DHX32: variants seen among roughly 807,000 people sequenced by gnomAD.
The protein encoded by DHX32 is DEAH-box helicase 32 (putative).
In DHX32, 51 loss-of-function variants were observed where a neutral mutation model predicts 70.0. The ratio of observed to expected loss-of-function variants is 0.73; its 90% CI spans 0.58 to 0.92. DHX32 has a LOEUF of 0.92. DHX32 is among the 40% of genes least tolerant of loss of function. The pLI is 0.00. For missense variants in DHX32, 762 were observed against 891.8 expected, an observed-to-expected ratio of 0.85 and a Z score of 1.85; for synonymous variants, 310 against 315.3, an observed-to-expected ratio of 0.98 and a Z score of 0.18.
intron 3 of DHX32, chr10:125,854,408 A>G (rs539303409): frequency 1.9e-4 from 75 of 403,778 alleles, no homozygotes; most frequent in African/African-American, 1.5e-3. Context: ...AATATAATTT[A>G]TATTGTTTTC....
At chr10:125,853,178 C>A (rs956854376) in intron 4 of DHX32, 2 of 1,613,200 alleles carry the variant, frequency 1.2e-6, no homozygotes, top group Non-Finnish European at 1.7e-6. Flanking sequence ...TGGACTAATT[C>A]AATCAAGATC....
In DHX32 at chr10:125,867,081, G is replaced by A. The variant is rs765264694; in HGVS notation, c.385C>T (p.Arg129Trp). Residue 129 changes from arginine (R) to tryptophan (W), a missense_variant, in exon 2 of 11, where the codon CGG becomes TGG. Arg to Trp is a moderately radical substitution (Grantham distance 101). Transcript: ENST00000284690. ...HKQTVVQLAL[R>W]VADEMDVNIG... The stretch of plus-strand genomic sequence containing the variant: ...TTAACATCCATTTCATCCGCCACCC[G>A]CAGGGCGAGCTGGACCACAGTCTGC... 4.3e-6 allele frequency: 7 copies of A among 1,614,060 alleles called. No homozygotes were observed. Among genetic ancestry groups the A allele is most frequent in the African/African-American group, 1.3e-5 (1 of 74,916 alleles).
At chr10:125,868,345 T>A (rs1275407681) in intron 1 of DHX32, among the ~76,000 whole-genome samples, 3 of 152,340 alleles carry the variant, frequency 2.0e-5, no homozygotes, top group East Asian at 3.9e-4. Context: ...TGTTTTTAAT[T>A]GATCTAAGGA....
intron 1 of DHX32, among the ~76,000 whole-genome samples, chr10:125,871,208 G>C (rs1270457580): frequency 6.6e-6 from 1 of 152,132 alleles, no homozygotes; most frequent in African/African-American, 2.4e-5. Context: ...TACATTCCTG[G>C]AAGTACAACA....
At chr10:125,867,244 CTG>C in intron 1 of DHX32, 61 bp from the exon 2 acceptor site, 1 of 1,394,250 alleles carries the variant, frequency 7.2e-7, no homozygotes, top group South Asian at 1.4e-5. Context: ...AGAGACATCT[CTG>C]TCTTACAGCA....
intron 1 of DHX32, among the ~76,000 whole-genome samples, chr10:125,889,622 T>G (rs1369669811): frequency 3.9e-5 from 6 of 152,282 alleles, no homozygotes; most frequent in Non-Finnish European, 8.8e-5. Flanking sequence ...CTATTTACAT[T>G]CTGGCACAAG....
chr10:125,848,019 C>T (rs1944046574), intron 6 of DHX32, among the ~76,000 whole-genome samples: 1 of 152,180 alleles, frequency 6.6e-6, no homozygotes, highest in Non-Finnish European at 1.5e-5. Context: ...GGGACCCCTG[C>T]ATTAATGTAT....
intron 3 of DHX32, among the ~76,000 whole-genome samples, chr10:125,855,951 A>G (rs771226299): frequency 4.6e-5 from 7 of 152,182 alleles, no homozygotes; most frequent in Non-Finnish European, 8.8e-5. Flanking sequence ...TTTTGTTCCA[A>G]ATGGCAATAA....
intron 8 of DHX32, 96 bp from the exon 9 acceptor site, chr10:125,839,284 T>A (rs1229685594): frequency 1.1e-5 from 14 of 1,304,670 alleles, no homozygotes; most frequent in Non-Finnish European, 1.4e-5. Context: ...CCCTGTGCTC[T>A]CCTCTCCTAC....
intron 6 of DHX32, among the ~76,000 whole-genome samples, chr10:125,845,529 A>G (rs760532087): frequency 4.6e-5 from 7 of 152,246 alleles, no homozygotes; most frequent in Non-Finnish European, 7.3e-5. Context: ...TTTCACGAGG[A>G]TAGGGCAGGG....
In DHX32 at chr10:125,859,701, C is replaced by T; in HGVS notation, c.751G>A (p.Ala251Thr). 1.9e-6 allele frequency: 3 copies of T among 1,613,888 alleles called. No homozygotes were observed. The highest frequency in any genetic ancestry group is 2.5e-6 in the Non-Finnish European group (3 of 1,179,950). Reference protein sequence around the residue: ...HPVEVVYLSEAQKDSFESILR... With the variant: ...HPVEVVYLSETQKDSFESILR... Reference sequence around the variant, plus strand: ...ATAGACTCAAAAGAATCCTTTTGAGCCTCACTAAGGTACACAACCTCCACA... The same window carrying T: ...ATAGACTCAAAAGAATCCTTTTGAGTCTCACTAAGGTACACAACCTCCACA... The change falls in exon 3 of 11, where the codon GCT becomes ACT. Residue 251 changes from alanine to threonine, a missense_variant. By Grantham distance (58) the Ala-to-Thr change is moderately conservative. This residue lies in a region of DHX32 where 394 missense variants were observed against 473.1 expected (regional missense o/e 0.83). Transcript: ENST00000284690.
intron 1 of DHX32, among the ~76,000 whole-genome samples, chr10:125,890,289 T>C (rs1161831043): frequency 6.6e-6 from 1 of 152,292 alleles, no homozygotes; most frequent in Admixed American, 6.5e-5. Flanking sequence ...ATGGTATGCT[T>C]TAATTGAAAC....
At chr10:125,856,986 T>C (rs544270827) in intron 3 of DHX32, among the ~76,000 whole-genome samples, 1 of 152,308 alleles carries the variant, frequency 6.6e-6, no homozygotes, top group African/African-American at 2.4e-5. Flanking sequence ...TAAATGACAA[T>C]TAATACATTT....
chr10:125,885,326 T>A (rs769873721), upstream of DHX32, among the ~76,000 whole-genome samples: 2 of 152,174 alleles, frequency 1.3e-5, no homozygotes, highest in Non-Finnish European at 2.9e-5. Flanking sequence ...GTACTTTGCA[T>A]GGCAAAAGGG....
chr10:125,879,309 C>A (rs957332595), intron 1 of DHX32, among the ~76,000 whole-genome samples: 1 of 152,126 alleles, frequency 6.6e-6, no homozygotes. Flanking sequence ...TAGGTGTGAA[C>A]CACTGCACCT....
intron 1 of DHX32, among the ~76,000 whole-genome samples, chr10:125,876,697 C>T (rs1944285609): frequency 6.6e-6 from 1 of 152,154 alleles, no homozygotes; most frequent in African/African-American, 2.4e-5. Context: ...ATAACCTGTG[C>T]TCTTCAAAAA....
intron 6 of DHX32, among the ~76,000 whole-genome samples, chr10:125,848,305 C>T (rs1196399631): frequency 6.6e-6 from 1 of 152,128 alleles, no homozygotes; most frequent in African/African-American, 2.4e-5. Flanking sequence ...GACATGTTCC[C>T]AAAACCTGGC....
At chr10:125,891,642 T>C (rs1213101239) in intron 1 of DHX32, among the ~76,000 whole-genome samples, 2 of 152,302 alleles carry the variant, frequency 1.3e-5, no homozygotes, top group Non-Finnish European at 2.9e-5. Context: ...AACAAAGTAA[T>C]GGGTAGTCAT....
chr10:125,865,362 A>G (rs1944214459), intron 2 of DHX32, among the ~76,000 whole-genome samples: 1 of 152,226 alleles, frequency 6.6e-6, no homozygotes, highest in South Asian at 2.1e-4. Flanking sequence ...ACTCAGGGAC[A>G]TAATTGTTAT....
Sources: allele counts gnomAD v4.1 joint callset (sites outside exome capture counted in the v4.1 genomes callset), GRCh38; gene constraint gnomAD v4.1.1; regional missense constraint gnomAD v4.1.1; transcripts MANE v1.5; gene names NCBI Gene and HGNC (gene_info 2026-07-23, HGNC 2026-07-21).